CRPPA: variants seen among roughly 807,000 people sequenced by gnomAD.
The protein encoded by CRPPA is D-ribitol-5-phosphate cytidylyltransferase.
In CRPPA, 43 loss-of-function variants were observed where a neutral mutation model predicts 52.0. The ratio of observed to expected loss-of-function variants is 0.83; its 90% CI spans 0.65 to 1.07. CRPPA has a LOEUF of 1.07. CRPPA is among the 50% of genes least tolerant of loss of function. The pLI is 0.00. For missense variants in CRPPA, 629 were observed against 551.7 expected (o/e 1.14, Z -1.40); for synonymous variants, 250 against 203.5 (o/e 1.23, Z -1.94).
At chr7:16,400,346 C>T (rs1787777385) in intron 2 of CRPPA, among the ~76,000 whole-genome samples, 1 of 152,216 alleles carries the variant, frequency 6.6e-6, no homozygotes. Context: ...ACGTGATTGA[C>T]ATGATTGACA....
chr7:16,217,661 C>T (rs368200238), intron 8 of CRPPA, among the ~76,000 whole-genome samples: 10 of 143,788 alleles, frequency 7.0e-5, no homozygotes, highest in East Asian at 4.0e-4. Context: ...CCTCAGGAGC[C>T]GATGCGATCA....
chr7:16,195,914 C>T (rs528765917), intron 9 of CRPPA, among the ~76,000 whole-genome samples: 1 of 152,088 alleles, frequency 6.6e-6, no homozygotes, highest in East Asian at 1.9e-4. Flanking sequence ...GCCCTGCCAA[C>T]CCCCCTTCCC....
At chr7:16,218,948 G>A (rs1215786775) in intron 8 of CRPPA, among the ~76,000 whole-genome samples, 3 of 152,084 alleles carry the variant, frequency 2.0e-5, no homozygotes, top group Non-Finnish European at 2.9e-5. Context: ...AGACCTAATA[G>A]ACATCTATAG....
intron 3 of CRPPA, among the ~76,000 whole-genome samples, chr7:16,315,583 G>A (rs1785127632): frequency 6.6e-6 from 1 of 152,052 alleles, no homozygotes; most frequent in Admixed American, 6.5e-5. Flanking sequence ...TTTTGAGGGT[G>A]GGCCTCCTCG....
chr7:16,197,407 G>A (rs978345153), intron 9 of CRPPA, among the ~76,000 whole-genome samples: 2 of 152,050 alleles, frequency 1.3e-5, no homozygotes, highest in African/African-American at 4.8e-5. Context: ...AATCAATCAT[G>A]GCTTACTGCA....
chr7:16,286,074 T>TTTAAAA (rs1784436023), intron 5 of CRPPA, among the ~76,000 whole-genome samples: 1 of 18,702 alleles, frequency 5.3e-5, no homozygotes, highest in African/African-American at 4.0e-4. Context: ...TATATATATA[T>TTTAAAA]ATATATAATA....
At chr7:16,132,256 T>C (rs7780782) in intron 9 of CRPPA, among the ~76,000 whole-genome samples, 87,451 of 123,630 alleles carry the variant, frequency 0.71, 37,272 homozygotes, top group Admixed American at 0.82. Context: ...TTCAGAGTGG[T>C]GATGTCCATC....
chr7:16,419,741 C>G (rs2128321035), intron 1 of CRPPA, among the ~76,000 whole-genome samples: 1 of 152,092 alleles, frequency 6.6e-6, no homozygotes, highest in Non-Finnish European at 1.5e-5. Context: ...TCACATAGAC[C>G]CCCTATGATT....
intron 5 of CRPPA, among the ~76,000 whole-genome samples, chr7:16,287,250 A>G (rs1784470518): frequency 6.6e-6 from 1 of 152,194 alleles, no homozygotes; most frequent in Non-Finnish European, 1.5e-5. Flanking sequence ...TAGCATCCTG[A>G]AAGATTTTTT....
chr7:16,217,780 A>T (rs1418566178), intron 8 of CRPPA, among the ~76,000 whole-genome samples: 2 of 149,632 alleles, frequency 1.3e-5, no homozygotes, highest in Non-Finnish European at 3.0e-5. Context: ...TCCAAGAAAT[A>T]TGGGACTATG....
intron 9 of CRPPA, among the ~76,000 whole-genome samples, chr7:16,169,401 C>T (rs1781131418): frequency 6.6e-6 from 1 of 152,174 alleles, no homozygotes; most frequent in Non-Finnish European, 1.5e-5. Flanking sequence ...CTAATAAAGG[C>T]TCACAATTAA....
Position 16,258,963 on chromosome 7 carries a change from T to A in CRPPA, c.983A>T (p.Gln328Leu). The change falls in exon 7 of 10, where the codon CAG (glutamine) becomes CTG (leucine). Residue 328 changes from glutamine to leucine, a missense_variant. Physicochemically the swap from Gln to Leu is moderately radical, Grantham distance 113 (BLOSUM62 -2). Transcript: ENST00000407010. Reference sequence around the variant, plus strand: ...GTAGCATTGATCTAAGATGATTTGCTGAAGATGTCTGCCAGCATGACCCAG... The same window carrying A: ...GTAGCATTGATCTAAGATGATTTGCAGAAGATGTCTGCCAGCATGACCCAG... ...EALGHAGRHL[Q>L]QIILDQCYNF... The A allele has an allele frequency of 6.2e-7, 1 of 1,611,384 alleles. No homozygotes were observed. Among genetic ancestry groups the A allele is most frequent in the East Asian group, 2.2e-5 (1 of 44,806 alleles).
chr7:16,347,135 A>C (rs190638632), intron 3 of CRPPA, among the ~76,000 whole-genome samples: 180 of 152,194 alleles, frequency 1.2e-3, no homozygotes, highest in African/African-American at 3.9e-3. Flanking sequence ...CAAACTCATA[A>C]GGTAGATATG....
In CRPPA at chr7:16,320,464, G is replaced by A. The variant is rs143939106; in HGVS notation, c.685-11837C>T. Among the ~76,000 whole-genome samples the A allele has an allele frequency of 5.4e-3, 825 of 152,180 alleles. 6 individuals are homozygous for A. Among genetic ancestry groups the A allele is most frequent in the African/African-American group, 0.018 (733 of 41,522 alleles). On this transcript the variant is annotated intron_variant, in intron 3 of 9. Coordinates refer to ENST00000407010, the MANE Select transcript of CRPPA (RefSeq NM_001101426.4). Reference sequence around the variant, plus strand: ...TTATAACAAAAAAAAGTTAGAAACCGTTGTTTTATGGTAACCACATAATGG... The same window carrying A: ...TTATAACAAAAAAAAGTTAGAAACCATTGTTTTATGGTAACCACATAATGG...
intron 8 of CRPPA, among the ~76,000 whole-genome samples, chr7:16,240,811 G>T (rs997830209): frequency 6.6e-6 from 1 of 152,108 alleles, no homozygotes; most frequent in African/African-American, 2.4e-5. Context: ...AGAAAGATAT[G>T]TCTGGGATCT....
chr7:16,104,418 G>A lies in CRPPA; in HGVS notation c.1252-12619C>T, dbSNP rs140193481. 8.0e-3 allele frequency among the ~76,000 whole-genome samples: 1,224 copies of A among 152,262 alleles called. 5 individuals are homozygous for A. The highest frequency in any genetic ancestry group is 0.012 in the Non-Finnish European group (826 of 68,018). On this transcript the variant is annotated intron_variant, in intron 9 of 9. Transcript: ENST00000407010. ...TTCTCCAGGTGGAAAGAACTTTTAA[G>A]AATCATTACAATTAAATGTCTCTCT...
intron 9 of CRPPA, among the ~76,000 whole-genome samples, chr7:16,166,711 A>C (rs966424039): frequency 1.3e-5 from 2 of 152,092 alleles, no homozygotes; most frequent in Non-Finnish European, 2.9e-5. Flanking sequence ...GCCAAGTGTA[A>C]ATTCTCCTGA....
intron 6 of CRPPA, among the ~76,000 whole-genome samples, chr7:16,259,983 TCA>T (rs1783752730): frequency 6.6e-6 from 1 of 151,970 alleles, no homozygotes; most frequent in South Asian, 2.1e-4. Context: ...AAATTTTAGT[TCA>T]GTTTAAAATT....
chr7:16,111,305 A>T (rs1310536339), intron 9 of CRPPA, among the ~76,000 whole-genome samples: 1 of 152,142 alleles, frequency 6.6e-6, no homozygotes, highest in African/African-American at 2.4e-5. Context: ...GTGAAGAAAA[A>T]AACTCTTGTG....
Sources: allele counts gnomAD v4.1 joint callset (sites outside exome capture counted in the v4.1 genomes callset), GRCh38; gene constraint gnomAD v4.1.1; transcripts MANE v1.5; gene names NCBI Gene and HGNC (gene_info 2026-07-23, HGNC 2026-07-21).